DOCK1: variants seen among roughly 807,000 people sequenced by gnomAD.
DOCK1 encodes the protein dedicator of cytokinesis 1.
In DOCK1, 138 loss-of-function variants were observed where a neutral mutation model predicts 262.7. That is an observed-to-expected ratio of 0.53 (90% CI 0.46 to 0.61). The LOEUF (loss-of-function observed/expected upper bound fraction) is 0.61, where lower values mean the gene tolerates loss of function less well. DOCK1 is among the 20% of genes least tolerant of loss of function. The pLI, the probability that DOCK1 is intolerant of heterozygous loss-of-function variation, is 0.00. For missense variants in DOCK1, 1,908 were observed against 2,370.7 expected, an observed-to-expected ratio of 0.80 and a Z score of 4.05; for synonymous variants, 866 against 867.4, an observed-to-expected ratio of 1.00 and a Z score of 0.03.
rs115203399 is a variant in DOCK1, at chr10:126,981,859, A to G, written c.172-59A>G. On this transcript the variant is annotated intron_variant, in intron 3 of 51. Transcript: ENST00000623213. Reference sequence around the variant, plus strand: ...CCACCTTTTTGGGAACTATTGTTTGATTTACATTCAGCAATCCTATTGATA... The same window carrying G: ...CCACCTTTTTGGGAACTATTGTTTGGTTTACATTCAGCAATCCTATTGATA... The G allele has an allele frequency of 4.8e-4, 741 of 1,556,142 alleles. 3 individuals are homozygous for G. The African/African-American group carries it at 9.2e-3, about 19-fold the overall frequency.
intron 23 of DOCK1, 126 bp from the exon 24 acceptor site, chr10:127,106,105 G>A (rs939830851): frequency 1.1e-6 from 1 of 949,040 alleles, no homozygotes; most frequent in Non-Finnish European, 1.6e-6. Context: ...TTAGCCGTCA[G>A]CCCCTCATCT....
intron 25 of DOCK1, 98 bp from the exon 26 acceptor site, chr10:127,125,376 T>C: frequency 6.4e-7 from 1 of 1,553,494 alleles, no homozygotes; most frequent in Non-Finnish European, 8.7e-7. Flanking sequence ...TTGCACAACG[T>C]GAATGCAAAC....
At chr10:127,381,950 C>T (rs1055894170) in intron 37 of DOCK1, among the ~76,000 whole-genome samples, 1 of 132,846 alleles carries the variant, frequency 7.5e-6, no homozygotes, top group Admixed American at 7.9e-5. Flanking sequence ...TCTTTGTTTA[C>T]AGTGACGTAT....
chr10:127,099,062 AT>A (rs1341076414), intron 23 of DOCK1, among the ~76,000 whole-genome samples: 1 of 152,212 alleles, frequency 6.6e-6, no homozygotes, highest in Non-Finnish European at 1.5e-5. Flanking sequence ...GTAGGAAGGA[AT>A]CTGAGTTCCC....
At chr10:127,094,689 C>T (rs908073249) in intron 23 of DOCK1, among the ~76,000 whole-genome samples, 7 of 152,188 alleles carry the variant, frequency 4.6e-5, no homozygotes, top group South Asian at 2.1e-4. Flanking sequence ...CTTCTGTTCC[C>T]GAAGGGCTCC....
At chr10:127,042,497 G>T (rs113559610) in intron 19 of DOCK1, 128 bp from the exon 20 acceptor site, 1 of 755,426 alleles carries the variant, frequency 1.3e-6, no homozygotes, top group Non-Finnish European at 2.2e-6. Context: ...AAAGGATCCC[G>T]AATGGCTTTA....
intron 23 of DOCK1, among the ~76,000 whole-genome samples, chr10:127,095,734 G>A (rs55945265): frequency 0.032 from 4,811 of 152,108 alleles, 243 homozygotes; most frequent in African/African-American, 0.11. Context: ...GAGCAGTCCT[G>A]CACAGTGAAG....
chr10:127,024,767 G>A lies in DOCK1; in HGVS notation c.1535G>A (p.Trp512Ter). 1 of 1,609,824 alleles carries A rather than the reference G, an allele frequency of 6.2e-7. No homozygotes were observed. Among genetic ancestry groups the A allele is most frequent in the Non-Finnish European group, 8.5e-7 (1 of 1,177,946 alleles). Residue 512 changes from tryptophan to a stop codon, truncating the protein, a stop_gained, in exon 15 of 52, where the codon TGG (tryptophan) becomes TAG (stop). Coordinates refer to ENST00000623213, the MANE Select transcript of DOCK1 (RefSeq NM_001290223.2). LOFTEE classifies it high-confidence loss of function. ...TACTACCAAGTAAAGCAGCCACGCT[G>A]GTTTGAGACTGTTAAGGTATTATTT... ...VIYYQVKQPR[W>*]FETVKVAIPI...
chr10:126,973,238 T>C (rs2038250423), intron 2 of DOCK1, among the ~76,000 whole-genome samples: 1 of 151,640 alleles, frequency 6.6e-6, no homozygotes, highest in Non-Finnish European at 1.5e-5. Flanking sequence ...TGGTGGTTTT[T>C]TTTTTTTTGA....
At chr10:127,044,997 G>A (rs574023602) in intron 21 of DOCK1, among the ~76,000 whole-genome samples, 2 of 152,170 alleles carry the variant, frequency 1.3e-5, no homozygotes, top group South Asian at 2.1e-4. Context: ...AGGAGTTGGA[G>A]ACCAGTCTGG....
intron 25 of DOCK1, among the ~76,000 whole-genome samples, chr10:127,115,118 C>T (rs1392830093): frequency 6.6e-6 from 1 of 152,192 alleles, no homozygotes; most frequent in Non-Finnish European, 1.5e-5. Flanking sequence ...TCTGCCATCA[C>T]AGCATTCCAT....
chr10:127,106,347 C>T (rs1475613287), intron 24 of DOCK1, 46 bp downstream of exon 24: 3 of 1,557,218 alleles, frequency 1.9e-6, no homozygotes, highest in Middle Eastern at 1.9e-4. Context: ...CCGTGTGTGA[C>T]CTCCTTCTCA....
At chr10:127,018,102 G>T (rs1044482439) in intron 12 of DOCK1, among the ~76,000 whole-genome samples, 1 of 152,162 alleles carries the variant, frequency 6.6e-6, no homozygotes, top group African/African-American at 2.4e-5. Flanking sequence ...AGCCGAGAGC[G>T]GCTGGGGCTT....
chr10:127,390,497 G>A (rs1018509443), intron 38 of DOCK1, among the ~76,000 whole-genome samples: 4 of 152,166 alleles, frequency 2.6e-5, no homozygotes, highest in African/African-American at 9.7e-5. Context: ...GGTCATTAGG[G>A]TGGGCCCTAA....
intron 23 of DOCK1, among the ~76,000 whole-genome samples, chr10:127,078,352 C>T (rs549043074): frequency 6.6e-6 from 1 of 152,102 alleles, no homozygotes; most frequent in African/African-American, 2.4e-5. Flanking sequence ...TTTTGTGGCT[C>T]TTACAAGGAG....
At chr10:127,445,908 C>A (rs1397606522) in intron 50 of DOCK1, among the ~76,000 whole-genome samples, 1 of 152,194 alleles carries the variant, frequency 6.6e-6, no homozygotes, top group Non-Finnish European at 1.5e-5. Flanking sequence ...ATAGATCAGT[C>A]ACAAAGGGAC....
chr10:127,293,141 G>A (rs1206951639), intron 29 of DOCK1, among the ~76,000 whole-genome samples: 1 of 152,192 alleles, frequency 6.6e-6, no homozygotes, highest in Non-Finnish European at 1.5e-5. Flanking sequence ...ATGATCCTGG[G>A]AAGAGCGCTG....
rs557194266 is a variant in DOCK1, at chr10:127,255,296, G to A, written c.2950-2039G>A. 2.6e-5 allele frequency among the ~76,000 whole-genome samples: 4 copies of A among 152,262 alleles called. No individual in the cohort carries two copies. The South Asian group carries it at 6.2e-4, about 24-fold the overall frequency. On this transcript the variant is annotated intron_variant, in intron 28 of 51. Transcript: ENST00000623213. The stretch of plus-strand genomic sequence containing the variant: ...ACACCTGTGGTCCCAGGATACTCAG[G>A]ATACTGAAACGGGAGGATCACTTGG...
At chr10:127,102,481 C>T (rs1218539141) in intron 23 of DOCK1, among the ~76,000 whole-genome samples, 1 of 152,172 alleles carries the variant, frequency 6.6e-6, no homozygotes, top group African/African-American at 2.4e-5. Context: ...AGTCATTTCC[C>T]ATCCCAGATA....
Sources: gnomAD v4.1 joint callset for allele counts (sites outside exome capture counted in the v4.1 genomes callset) on GRCh38, gnomAD v4.1.1 for gene constraint, MANE v1.5 for transcripts, NCBI Gene and HGNC (gene_info 2026-07-23, HGNC 2026-07-21) for gene names.